SLA: variants seen among roughly 807,000 people sequenced by gnomAD.
SLA encodes the protein src-like-adapter.
SLA carries 16 observed loss-of-function variants against 30.3 expected under a neutral mutation model. That is an observed-to-expected ratio of 0.53 (90% confidence interval 0.36 to 0.80). SLA has a LOEUF of 0.80. Among genes scored for constraint, SLA ranks in the 30% least tolerant of loss-of-function variants. The pLI is 0.01. For synonymous variants in SLA, 143 were observed against 137.8 expected, an observed-to-expected ratio of 1.04 and a Z score of -0.26; for missense variants, 310 against 345.2, an observed-to-expected ratio of 0.90 and a Z score of 0.81.
At position 133,068,667 on chromosome 8, in the gene SLA, C is replaced by T. The variant is rs989603667; in HGVS notation, c.-41+6186G>A. ...CACCACCACACTGACGCAAGGGGCT[C>T]AGTGACCCAGACGTGTCAGTACAGT... On this transcript the variant is annotated intron_variant, in intron 2 of 8. Coordinates refer to ENST00000338087, the MANE Select transcript of SLA (RefSeq NM_001045556.3). 3.9e-5 allele frequency among the ~76,000 whole-genome samples: 6 copies of T among 152,196 alleles called. No homozygotes were observed. The South Asian group carries it at 1.0e-3, about 26-fold the overall frequency.
chr8:133,051,605 A>G (rs553807588), intron 3 of SLA, among the ~76,000 whole-genome samples: 55 of 152,320 alleles, frequency 3.6e-4, no homozygotes, highest in South Asian at 1.7e-3. Context: ...CTAATAGTGT[A>G]TTGAAAGGAA....
intron 2 of SLA, among the ~76,000 whole-genome samples, chr8:133,064,882 T>C (rs897099132): frequency 6.6e-6 from 1 of 151,976 alleles, no homozygotes; most frequent in Non-Finnish European, 1.5e-5. Context: ...GGAAGGAGGG[T>C]AGCCCGAACC....
chr8:133,058,556 G>A (rs1841879991), intron 3 of SLA, among the ~76,000 whole-genome samples: 1 of 152,200 alleles, frequency 6.6e-6, no homozygotes, highest in South Asian at 2.1e-4. Flanking sequence ...TCGGTGGGTG[G>A]GTGCCTCCCC....
intron 7 of SLA, among the ~76,000 whole-genome samples, chr8:133,040,546 C>T (rs1202960919): frequency 6.6e-6 from 1 of 152,204 alleles, no homozygotes; most frequent in East Asian, 1.9e-4. Context: ...ATGCCCAATC[C>T]ATTAACCTCA....
chr8:133,075,465 G>C (rs919381850), intron 1 of SLA, among the ~76,000 whole-genome samples: 1 of 152,224 alleles, frequency 6.6e-6, no homozygotes, highest in African/African-American at 2.4e-5. Context: ...AAAAAAACTA[G>C]AAAGAACATT....
At chr8:133,053,398 A>C (rs924267353) in intron 3 of SLA, among the ~76,000 whole-genome samples, 3 of 152,224 alleles carry the variant, frequency 2.0e-5, no homozygotes, top group African/African-American at 7.2e-5. Context: ...AAGCAGGCTT[A>C]CTGAATGTGC....
Position 133,047,935 on chromosome 8 carries a change from T to C in SLA, c.249-2A>G. ...CTGCCCAGGCCCTCAAACAGCCAGC[T>C]GGGAAGGAGGAAGACAGCCATTAGG... On this transcript the variant is annotated splice_acceptor_variant, in intron 5 of 8. Transcript: ENST00000338087. LOFTEE classifies it high-confidence loss of function. 2 of 1,594,078 alleles carry C rather than the reference T, an allele frequency of 1.3e-6. No homozygotes were observed. The highest frequency in any genetic ancestry group is 8.6e-7 in the Non-Finnish European group (1 of 1,163,810).
chr8:133,095,835 A>T (rs938462165), intron 1 of SLA, among the ~76,000 whole-genome samples: 1 of 152,226 alleles, frequency 6.6e-6, no homozygotes, highest in Non-Finnish European at 1.5e-5. Context: ...CCCTAAGTGC[A>T]GGCTAATTTG....
In SLA at chr8:133,082,073, A is replaced by G. The variant is rs142292991; in HGVS notation, c.-318-6943T>C. Among the ~76,000 whole-genome samples the G allele has an allele frequency of 2.7e-3, 407 of 152,348 alleles. 3 individuals carry two copies. The highest frequency in any genetic ancestry group is 9.4e-3 in the African/African-American group (389 of 41,580). ...CAGAGATCCTTGTGAACTCTGTTTA[A>G]GGACACAGACAAAAGACAAAGTCTT... On this transcript the variant is annotated intron_variant, in intron 1 of 8. Transcript: ENST00000338087.
At chr8:133,039,505 G>A (rs1406345559) in intron 8 of SLA, among the ~76,000 whole-genome samples, 1 of 152,128 alleles carries the variant, frequency 6.6e-6, no homozygotes, top group Non-Finnish European at 1.5e-5. Flanking sequence ...CCAAACTACA[G>A]ATATCCTTTA....
At chr8:133,045,655 A>T (rs1306900282) in intron 6 of SLA, among the ~76,000 whole-genome samples, 2 of 151,994 alleles carry the variant, frequency 1.3e-5, no homozygotes, top group Admixed American at 6.5e-5. Flanking sequence ...TCGGCCTCCC[A>T]AAGTGCTGGG....
chr8:133,055,824 CCAGCAG>C (rs36210010), intron 3 of SLA, among the ~76,000 whole-genome samples: 12 of 150,880 alleles, frequency 8.0e-5, no homozygotes, highest in East Asian at 5.9e-4. Flanking sequence ...CTCCTCATCA[CCAGCAG>C]CAGCAGCAGC....
rs568134505 is a variant in SLA at position 133,079,901 on chromosome 8, A to G, written c.-318-4771T>C. 5.9e-5 allele frequency among the ~76,000 whole-genome samples: 9 copies of G among 152,062 alleles called. No individual in the cohort carries two copies. The South Asian group carries it at 1.5e-3, about 25-fold the overall frequency. On this transcript the variant is annotated intron_variant, in intron 1 of 8. Coordinates refer to ENST00000338087, the MANE Select transcript of SLA (RefSeq NM_001045556.3). The stretch of plus-strand genomic sequence containing the variant: ...AACCATATGACCTTCAAGATCGCAT[A>G]CAAGATAGAAGTTCTCGAGAGTAAA...
Position 133,056,035 on chromosome 8 carries a change from A to T in SLA, c.61+4065T>A, listed in dbSNP as rs1841390776. On this transcript the variant is annotated intron_variant, in intron 3 of 8. Coordinates refer to ENST00000338087, the MANE Select transcript of SLA (RefSeq NM_001045556.3). ...GTCCAGAGACCGCCCAAGAGCACAC[A>T]CCTAGGAAGCTGAGTGCCAGGTTTC... Among the ~76,000 whole-genome samples, 4 of 152,250 alleles carry T rather than the reference A, an allele frequency of 2.6e-5. No individual in the cohort carries two copies. The South Asian group carries it at 8.3e-4, about 32-fold the overall frequency.
At chr8:133,068,426 A>G (rs573005138) in intron 2 of SLA, among the ~76,000 whole-genome samples, 1 of 152,354 alleles carries the variant, frequency 6.6e-6, no homozygotes, top group East Asian at 1.9e-4. Context: ...TTTTAAGGTC[A>G]TTTTAAGATA....
At chr8:133,092,408 G>A (rs1054240175) in intron 1 of SLA, among the ~76,000 whole-genome samples, 1 of 152,214 alleles carries the variant, frequency 6.6e-6, no homozygotes, top group Non-Finnish European at 1.5e-5. Flanking sequence ...TGAATAGCTA[G>A]GTCAGATTTA....
At chr8:133,070,029 A>AC (rs1554715883) in intron 2 of SLA, among the ~76,000 whole-genome samples, 3,821 of 109,562 alleles carry the variant, frequency 0.035, 695 homozygotes, top group East Asian at 0.066. Context: ...AAAAAAAAGA[A>AC]AGAAAGAAAG....
At chr8:133,048,111 G>A (rs1564115234) in intron 5 of SLA, among the ~76,000 whole-genome samples, 178 bp from the exon 6 acceptor site, 1 of 152,210 alleles carries the variant, frequency 6.6e-6, no homozygotes, top group African/African-American at 2.4e-5. Flanking sequence ...TGATTAAGTA[G>A]TTTGCTCAGG....
intron 1 of SLA, among the ~76,000 whole-genome samples, chr8:133,100,476 C>A (rs1473142161): frequency 6.6e-6 from 1 of 152,228 alleles, no homozygotes; most frequent in Non-Finnish European, 1.5e-5. Flanking sequence ...ACACAATAGA[C>A]ATTCACTAGG....
Sources: allele counts gnomAD v4.1 joint callset (sites outside exome capture counted in the v4.1 genomes callset), GRCh38; gene constraint gnomAD v4.1.1; transcripts MANE v1.5; gene names NCBI Gene and HGNC (gene_info 2026-07-23, HGNC 2026-07-21).